Variants in CHL1 observed in about 807,000 individuals in gnomAD.
CHL1 encodes the protein cell adhesion molecule L1 like, also known as neural cell adhesion molecule L1-like protein.
CHL1 carries 96 observed loss-of-function variants against 141.9 expected under a neutral mutation model. The ratio of observed to expected loss-of-function variants is 0.68; its 90% CI spans 0.57 to 0.80. CHL1 has a LOEUF of 0.80. Ranked by LOEUF, CHL1 falls within the 30% of genes least tolerant of loss-of-function variation. CHL1 has a pLI of 0.00. For missense variants in CHL1, 1,820 were observed against 1,457.2 expected (o/e 1.25, Z -4.05); for synonymous variants, 613 against 502.2 (o/e 1.22, Z -2.95).
chr3:291,346 T>C (rs929841039), intron 2 of CHL1, among the ~76,000 whole-genome samples: 5 of 152,134 alleles, frequency 3.3e-5, no homozygotes, highest in Non-Finnish European at 5.9e-5. Context: ...ACCCAGGTCT[T>C]TTCATCATTG....
intron 1 of CHL1, among the ~76,000 whole-genome samples, chr3:201,793 G>C (rs1439723250): frequency 6.6e-6 from 1 of 152,058 alleles, no homozygotes; most frequent in South Asian, 2.1e-4. Context: ...ATGTTTGTTT[G>C]CATCTTATTT....
intron 1 of CHL1, among the ~76,000 whole-genome samples, chr3:232,966 A>G (rs463381): frequency 0.1 from 15,333 of 151,488 alleles, 1,109 homozygotes; most frequent in East Asian, 0.37. Context: ...CTGGACTCAA[A>G]CCATTACTGG....
At chr3:199,907 A>G (rs970622112) in intron 1 of CHL1, among the ~76,000 whole-genome samples, 4 of 152,242 alleles carry the variant, frequency 2.6e-5, no homozygotes, top group African/African-American at 9.6e-5. Context: ...AAAGAAAATT[A>G]AGTAATAGTT....
At chr3:264,158 T>C (rs1469331077) in intron 2 of CHL1, among the ~76,000 whole-genome samples, 2 of 152,226 alleles carry the variant, frequency 1.3e-5, no homozygotes, top group Non-Finnish European at 2.9e-5. Context: ...TTTTATGTAC[T>C]CTATTCAAAT....
At chr3:244,348 T>C (rs1054845320) in intron 1 of CHL1, among the ~76,000 whole-genome samples, 1 of 152,160 alleles carries the variant, frequency 6.6e-6, no homozygotes, top group South Asian at 2.1e-4. Context: ...ACATCGATAA[T>C]GTTTTCAATG....
intron 1 of CHL1, among the ~76,000 whole-genome samples, chr3:209,986 T>G (rs561609418): frequency 6.6e-6 from 1 of 152,346 alleles, no homozygotes; most frequent in South Asian, 2.1e-4. Context: ...CATGCTATTT[T>G]CATCATTTGT....
At chr3:357,850 C>T (rs1307464854) in intron 11 of CHL1, among the ~76,000 whole-genome samples, 1 of 152,126 alleles carries the variant, frequency 6.6e-6, no homozygotes, top group Non-Finnish European at 1.5e-5. Flanking sequence ...ATGGATCAGA[C>T]GGGATAAGGA....
intron 2 of CHL1, among the ~76,000 whole-genome samples, chr3:245,090 T>C (rs1693037307): frequency 6.6e-6 from 1 of 152,166 alleles, no homozygotes; most frequent in Non-Finnish European, 1.5e-5. Flanking sequence ...AAAACCTGTA[T>C]TTTCAGGGGG....
At chr3:263,768 A>G (rs1694930793) in intron 2 of CHL1, among the ~76,000 whole-genome samples, 1 of 152,238 alleles carries the variant, frequency 6.6e-6, no homozygotes, top group African/African-American at 2.4e-5. Flanking sequence ...GAGAACATTC[A>G]CCACATCTAT....
rs772729899 is a variant in CHL1, at chr3:360,350, A to G, written c.1232A>G (p.His411Arg). ...AGTTTTACCAACCTTCAACCAAATC[A>G]TACTGCTGTGTACCAGTGTGAAGCC... The part of the protein sequence containing the change: ...EISFTNLQPN[H>R]TAVYQCEASN... The change falls in exon 12 of 28, where the codon CAT becomes CGT. Residue 411 changes from histidine to arginine, a missense_variant. Transcript: ENST00000256509. 1.9e-6 allele frequency: 3 copies of G among 1,613,858 alleles called. No individual in the cohort carries two copies. In the South Asian group the frequency reaches 3.3e-5, roughly 18 times the overall value.
At chr3:358,422 T>C (rs981790128) in intron 11 of CHL1, among the ~76,000 whole-genome samples, 1 of 152,180 alleles carries the variant, frequency 6.6e-6, no homozygotes, top group African/African-American at 2.4e-5. Flanking sequence ...ATAATTTTCC[T>C]ACCTCAATGT....
At chr3:260,309 C>G (rs1349865100) in intron 2 of CHL1, among the ~76,000 whole-genome samples, 2 of 150,478 alleles carry the variant, frequency 1.3e-5, no homozygotes, top group African/African-American at 5.0e-5. Flanking sequence ...AAATGGCCAT[C>G]TTCCTTTACA....
chr3:205,612 A>G (rs1157430291), intron 1 of CHL1, among the ~76,000 whole-genome samples: 6 of 152,154 alleles, frequency 3.9e-5, no homozygotes, highest in Non-Finnish European at 7.3e-5. Context: ...CCTGAATTCT[A>G]TAATACATGT....
chr3:236,545 A>G (rs1692001249), intron 1 of CHL1, among the ~76,000 whole-genome samples: 1 of 152,162 alleles, frequency 6.6e-6, no homozygotes, highest in Non-Finnish European at 1.5e-5. Flanking sequence ...CCGTTTTTGG[A>G]AGCTATTTAT....
chr3:197,939 G>C (rs570326804), intron 1 of CHL1: 2 of 392,194 alleles, frequency 5.1e-6, no homozygotes, highest in East Asian at 7.3e-5. Flanking sequence ...TTAATTTGGG[G>C]AGCAGGGATT....
chr3:393,247 A>AAAAAAAAAAT (rs1708394943), intron 23 of CHL1, among the ~76,000 whole-genome samples: 1 of 149,958 alleles, frequency 6.7e-6, no homozygotes, highest in Admixed American at 6.6e-5. Flanking sequence ...AAAAAAAAAA[A>AAAAAAAAAAT]GTGTTAAGAA....
intron 2 of CHL1, among the ~76,000 whole-genome samples, chr3:296,945 A>T (rs778972562): frequency 1.1e-4 from 16 of 152,184 alleles, no homozygotes; most frequent in Non-Finnish European, 1.3e-4. Context: ...AGAATGTGCA[A>T]AACAAGCAAC....
intron 2 of CHL1, among the ~76,000 whole-genome samples, chr3:272,523 G>C (rs1317156450): frequency 1.3e-5 from 2 of 152,120 alleles, no homozygotes; most frequent in Admixed American, 1.3e-4. Context: ...TCTGTCCTCA[G>C]GTAGCTAATA....
chr3:377,770 A>G (rs763770483), intron 15 of CHL1, 48 bp from the exon 16 acceptor site: 1 of 1,501,714 alleles, frequency 6.7e-7, no homozygotes, highest in Non-Finnish European at 9.1e-7. Flanking sequence ...GGTTTCTATC[A>G]TTTCTATTGT....
Sources: gnomAD v4.1 joint callset for allele counts (sites outside exome capture counted in the v4.1 genomes callset) on GRCh38, gnomAD v4.1.1 for gene constraint, MANE v1.5 for transcripts, NCBI Gene and HGNC (gene_info 2026-07-23, HGNC 2026-07-21) for gene names.